LMTK3: variants seen among roughly 807,000 people sequenced by gnomAD.
LMTK3 encodes the protein lemur tail kinase 3.
Under a neutral mutation model 116.7 loss-of-function variants are expected in LMTK3, and 27 were observed. That is an observed-to-expected ratio of 0.23 (90% CI 0.17 to 0.32). The LOEUF (loss-of-function observed/expected upper bound fraction) is 0.32. Ranked by LOEUF, LMTK3 falls within the 10% of genes least tolerant of loss-of-function variation. The pLI is 1.00. For missense variants in LMTK3, 1,764 were observed against 2,068.5 expected (o/e 0.85, Z 2.86); for synonymous variants, 965 against 971.0 (o/e 0.99, Z 0.11).
chr19:48,507,115 G>C (rs1474087630), intron 5 of LMTK3, among the ~76,000 whole-genome samples: 2 of 152,222 alleles, frequency 1.3e-5, no homozygotes, highest in African/African-American at 4.8e-5. Flanking sequence ...CATGTGTGGG[G>C]CTTCAACAGT....
chr19:48,501,448 A>T (rs774096592), intron 8 of LMTK3, 30 bp downstream of exon 8: 2 of 1,612,566 alleles, frequency 1.2e-6, no homozygotes, highest in South Asian at 2.2e-5. Context: ...GGCACCCCAC[A>T]GCCCCCATCC....
intron 5 of LMTK3, among the ~76,000 whole-genome samples, chr19:48,508,332 G>A (rs1004979403): frequency 2.6e-5 from 4 of 152,058 alleles, no homozygotes; most frequent in Non-Finnish European, 5.9e-5. Context: ...CCAAAACAGG[G>A]AACTCACTAC....
intron 12 of LMTK3, among the ~76,000 whole-genome samples, chr19:48,493,120 C>T (rs1972254522): frequency 6.6e-6 from 1 of 151,910 alleles, no homozygotes; most frequent in African/African-American, 2.4e-5. Context: ...TCTTGCCGCG[C>T]CACAGACTTG....
chr19:48,486,011 T>C (rs1401239027), intron 14 of LMTK3, among the ~76,000 whole-genome samples: 1 of 151,556 alleles, frequency 6.6e-6, no homozygotes, highest in African/African-American at 2.4e-5. Flanking sequence ...CCCTGGGTCT[T>C]TGCACATGCT....
intron 14 of LMTK3, among the ~76,000 whole-genome samples, chr19:48,490,048 G>A (rs1257735133): frequency 3.3e-5 from 5 of 152,182 alleles, no homozygotes; most frequent in Non-Finnish European, 7.4e-5. Context: ...AACTAGGGGC[G>A]GCATGACCCC....
chr19:48,491,207 G>A lies in LMTK3; in HGVS notation c.4267C>T (p.Pro1423Ser), dbSNP rs765757150. Residue 1423 changes from proline (P) to serine (S), a missense_variant, in exon 14 of 15, where the codon CCC becomes TCC. Physicochemically the swap from Pro to Ser is moderately conservative, Grantham distance 74. Around this residue, in one of 7 missense-constraint regions of LMTK3, gnomAD observed 281 missense variants for 301.4 expected, o/e 0.93. Transcript: ENST00000600059. This position sits in a 1 kb window ranked among gnomAD's most constrained non-coding sequence, Gnocchi z 5.1. ...AAGCACAGCGGGGGGCCTGGAGGGG[G>A]GAGGAGGGGGAAATCCTCCGCCCAC... ...FEWAEDFPLL[P>S]PPGPPLCFSR... The A allele has an allele frequency of 3.6e-6, 5 of 1,407,006 alleles. No individual in the cohort carries two copies. The highest frequency in any genetic ancestry group is 3.7e-6 in the Non-Finnish European group (4 of 1,077,588). 87.2% of individuals were successfully genotyped at this position (1,407,006 alleles called of 1,614,324 possible). A position where few individuals can be genotyped will look rare whatever the true frequency, so the allele number is the denominator to read the frequency against.
At chr19:48,505,627 C>T (rs1157887721) in intron 5 of LMTK3, among the ~76,000 whole-genome samples, 1 of 151,998 alleles carries the variant, frequency 6.6e-6, no homozygotes, top group Non-Finnish European at 1.5e-5. Flanking sequence ...TTTGGGAGGC[C>T]GAGATGGGTG....
In LMTK3 at chr19:48,508,768, C is replaced by G. The variant is rs1049569995; in HGVS notation, c.557+83G>C. ...GCTGCACAACCGGAAGAGGTAGATT[C>G]CAGGTGTGACCCCATACAGCACTCC... is the stretch of plus-strand genomic sequence containing the variant. On this transcript the variant is annotated intron_variant, in intron 5 of 14. Transcript: ENST00000600059. 3 of 1,049,486 alleles carry G rather than the reference C, an allele frequency of 2.9e-6. No individual in the cohort carries two copies. In the African/African-American group the frequency reaches 4.7e-5, roughly 16 times the overall value. The allele number at this position is 1,049,486 out of a possible 1,614,324, so 65.0% of individuals were successfully genotyped here.
chr19:48,490,560 G>GCCT (rs1972204182), intron 14 of LMTK3, among the ~76,000 whole-genome samples: 1 of 151,164 alleles, frequency 6.6e-6, no homozygotes, highest in Admixed American at 6.6e-5. Flanking sequence ...TGAGGACGAG[G>GCCT]CTAGAATCCA....
rs1158236516 is a variant in LMTK3 at position 48,499,563 on chromosome 19, G to A, written c.1506C>T (p.Ala502=). The change falls in exon 11 of 15, where the codon GCC becomes GCT. Residue 502 remains alanine (A), a synonymous_variant. Coordinates refer to ENST00000600059, the MANE Select transcript of LMTK3 (RefSeq NM_001388485.1). ...AGGGGTTGGCGTGGGGGGCCGGGGG[G>A]GCCGACGCCGGCTGCCAGGCAGGTG... is the stretch of plus-strand genomic sequence containing the variant. ...GGAPAWQPAS[A]PPAPHANPSN... 3 of 1,521,364 alleles carry A rather than the reference G, an allele frequency of 2.0e-6. No homozygotes were observed. Among genetic ancestry groups the A allele is most frequent in the East Asian group, 4.9e-5 (2 of 40,512 alleles). 94.2% of individuals were successfully genotyped at this position (1,521,364 alleles called of 1,614,324 possible).
At chr19:48,505,525 G>C (rs1972552985) in intron 5 of LMTK3, among the ~76,000 whole-genome samples, 2 of 152,122 alleles carry the variant, frequency 1.3e-5, no homozygotes, top group Non-Finnish European at 2.9e-5. Flanking sequence ...AGAAGTTTGA[G>C]ACCAGCTGGA....
chr19:48,488,035 G>A (rs567814497), intron 14 of LMTK3, among the ~76,000 whole-genome samples: 8 of 152,118 alleles, frequency 5.3e-5, no homozygotes, highest in African/African-American at 1.4e-4. Context: ...CCACGCTGCC[G>A]CAGGAATATT....
chr19:48,503,653 C>T (rs80063908), intron 5 of LMTK3, among the ~76,000 whole-genome samples: 1 of 152,252 alleles, frequency 6.6e-6, no homozygotes, highest in Non-Finnish European at 1.5e-5. Flanking sequence ...CTGTCGATCC[C>T]CAGCACCCCA....
At chr19:48,509,552 C>G in intron 3 of LMTK3, 39 bp from the exon 4 acceptor site, 4 of 1,511,168 alleles carry the variant, frequency 2.6e-6, no homozygotes, top group Non-Finnish European at 3.6e-6. Context: ...GAGTCTCTCC[C>G]CCTTCCTGAG....
In LMTK3 at chr19:48,485,745, G is replaced by T; in HGVS notation, c.*28C>A. The T allele has an allele frequency of 6.2e-7, 1 of 1,607,512 alleles. No individual in the cohort carries two copies. ...TTCCATTCTCAACCCCTCTTCTGAG[G>T]GTGCAGCGGGGTCGGGTCTTCGGGG... On this transcript the variant is annotated 3_prime_UTR_variant, in exon 15 of 15. Transcript: ENST00000600059.
intron 3 of LMTK3, 82 bp downstream of exon 3, chr19:48,509,941 C>G (rs10427064): frequency 0.017 from 25,200 of 1,519,920 alleles, 373 homozygotes; most frequent in Middle Eastern, 0.098. Flanking sequence ...CTCAACCGCC[C>G]CAGCCCCTGA....
chr19:48,497,427 C>G lies in LMTK3; in HGVS notation c.3642G>C (p.Leu1214Phe). 6.5e-7 allele frequency: 1 copy of G among 1,538,518 alleles called. No individual in the cohort carries two copies. The highest frequency in any genetic ancestry group is 8.7e-7 in the Non-Finnish European group (1 of 1,146,000). Residue 1214 changes from leucine to phenylalanine, a missense_variant, in exon 11 of 15, where the codon TTG (leucine) becomes TTC (phenylalanine). Coordinates refer to ENST00000600059, the MANE Select transcript of LMTK3 (RefSeq NM_001388485.1). The surrounding 1 kb of genome is among the most constrained non-coding windows in gnomAD (Gnocchi z 5.7). ...GCTCGCTGTTCCCCTGAGGGGGTCC[C>G]AAGTCCAAGAATAGTCGTGGCATCT... is the stretch of plus-strand genomic sequence containing the variant. ...GPEMPRLFLD[L>F]GPPQGNSEQI...
At chr19:48,502,297 C>T in intron 7 of LMTK3, 136 bp downstream of exon 7, 1 of 1,066,312 alleles carries the variant, frequency 9.4e-7, no homozygotes, top group Non-Finnish European at 1.3e-6. Context: ...CCCTTCTCCT[C>T]CATACCCTCC....
intron 5 of LMTK3, among the ~76,000 whole-genome samples, chr19:48,507,269 A>G (rs1451671619): frequency 3.3e-5 from 5 of 152,214 alleles, no homozygotes; most frequent in Non-Finnish European, 7.3e-5. Context: ...GATGATCCCC[A>G]TTTGATCCAG....
Sources: gnomAD v4.1 joint callset for allele counts (sites outside exome capture counted in the v4.1 genomes callset) on GRCh38, gnomAD v4.1.1 for gene constraint, gnomAD v4.1.1 regional missense constraint, Gnocchi (gnomAD v3.1) non-coding constraint, MANE v1.5 for transcripts, NCBI Gene and HGNC (gene_info 2026-07-23, HGNC 2026-07-21) for gene names.